Variants in CYB5R4 observed in about 807,000 individuals in gnomAD.
CYB5R4 encodes the protein cytochrome b5 reductase 4.
In CYB5R4, 55 loss-of-function variants were observed where a neutral mutation model predicts 70.2. The ratio of observed to expected loss-of-function variants is 0.78; its 90% CI spans 0.63 to 0.98. CYB5R4 has a LOEUF of 0.98. CYB5R4 is among the 50% of genes least tolerant of loss of function. The probability of loss-of-function intolerance (pLI) is 0.00; values close to 1 mark genes in which losing one functional copy is unlikely to be tolerated. For synonymous variants in CYB5R4, 197 were observed against 199.5 expected (o/e 0.99, Z 0.11); for missense variants, 562 against 612.6 (o/e 0.92, Z 0.87).
intron 6 of CYB5R4, 74 bp from the exon 7 acceptor site, chr6:83,919,323 C>A: frequency 1.2e-6 from 1 of 821,582 alleles, no homozygotes; most frequent in Non-Finnish European, 1.9e-6. Context: ...AAATTTTAAA[C>A]ATTTAATGAT....
intron 3 of CYB5R4, 129 bp from the exon 4 acceptor site, chr6:83,908,880 G>C (rs758676943): frequency 2.6e-5 from 17 of 664,256 alleles, no homozygotes; most frequent in Admixed American, 1.8e-4. Context: ...TAGACTAATT[G>C]AATATGCTTC....
chr6:83,940,168 A>C lies in CYB5R4; in HGVS notation c.1221A>C (p.Lys407Asn). The C allele has an allele frequency of 6.2e-7, 1 of 1,610,674 alleles. No individual in the cohort carries two copies. The highest frequency in any genetic ancestry group is 8.5e-7 in the Non-Finnish European group (1 of 1,178,054). Residue 407 changes from lysine to asparagine, a missense_variant, in exon 13 of 16, where the codon AAA becomes AAC. Coordinates refer to ENST00000369681, the MANE Select transcript of CYB5R4 (RefSeq NM_016230.4). ...AAGTGFTPMV[K>N]ILNYALTDIP... is the part of the protein sequence containing the mutation. ...GAACAGGCTTCACACCAATGGTTAA[A>C]ATACTGAATTATGCTTTGACTGATA...
At chr6:83,877,595 G>A (rs1160479803) in intron 2 of CYB5R4, among the ~76,000 whole-genome samples, 1 of 151,974 alleles carries the variant, frequency 6.6e-6, no homozygotes, top group Non-Finnish European at 1.5e-5. Flanking sequence ...TTTGACAATC[G>A]GCTTTCACAG....
chr6:83,861,851 T>C (rs895733583), intron 1 of CYB5R4, among the ~76,000 whole-genome samples: 1 of 152,222 alleles, frequency 6.6e-6, no homozygotes, highest in Non-Finnish European at 1.5e-5. Context: ...TTAGAAGTAT[T>C]TTGGTCTTTA....
chr6:83,951,428 T>G (rs1348139365), intron 14 of CYB5R4, among the ~76,000 whole-genome samples: 5 of 151,970 alleles, frequency 3.3e-5, no homozygotes, highest in African/African-American at 1.2e-4. Flanking sequence ...AATTCATCCC[T>G]CCCCTGCCCC....
chr6:83,921,187 A>G lies in CYB5R4; in HGVS notation c.658+12A>G. The G allele has an allele frequency of 1.4e-6, 2 of 1,466,984 alleles. No homozygotes were observed. The highest frequency in any genetic ancestry group is 1.8e-6 in the Non-Finnish European group (2 of 1,088,670). The allele number at this position is 1,466,984 out of a possible 1,614,324, so 90.9% of individuals were successfully genotyped here. On this transcript the variant is annotated intron_variant, in intron 8 of 15. Coordinates refer to ENST00000369681, the MANE Select transcript of CYB5R4 (RefSeq NM_016230.4). ...TCTTATACATATTGGTGAGTACTTT[A>G]TTATTATTAATGGAAAGAGCTCTGG... is the stretch of plus-strand genomic sequence containing the variant.
chr6:83,945,554 C>A (rs1290627954), intron 14 of CYB5R4, among the ~76,000 whole-genome samples: 1 of 151,846 alleles, frequency 6.6e-6, no homozygotes, highest in East Asian at 1.9e-4. Context: ...TAGCAGAAGA[C>A]AAGAAATAAC....
intron 15 of CYB5R4, among the ~76,000 whole-genome samples, chr6:83,955,796 A>G (rs2099472338): frequency 1.3e-5 from 2 of 152,158 alleles, no homozygotes; most frequent in Admixed American, 1.3e-4. Context: ...TTCATAATAT[A>G]TAGTAATTAA....
At chr6:83,908,180 A>G (rs939083034) in intron 3 of CYB5R4, among the ~76,000 whole-genome samples, 2 of 152,192 alleles carry the variant, frequency 1.3e-5, no homozygotes, top group Non-Finnish European at 2.9e-5. Flanking sequence ...TCTAACTGCC[A>G]TGAGATGGTA....
chr6:83,944,084 A>AAC (rs1444556799), intron 14 of CYB5R4, among the ~76,000 whole-genome samples: 3 of 152,158 alleles, frequency 2.0e-5, no homozygotes, highest in Non-Finnish European at 2.9e-5. Flanking sequence ...AAATACAGAG[A>AAC]ACACCACAAA....
rs571183176 is a variant in CYB5R4 at position 83,930,242 on chromosome 6, C to T, written c.815-4353C>T. ...AAGCTTGGGGTAGCTGTGGCAATTT[C>T]TTAAGAAAAAATGAAGTTTGCCCAC... On this transcript the variant is annotated intron_variant, in intron 10 of 15. Coordinates refer to ENST00000369681, the MANE Select transcript of CYB5R4 (RefSeq NM_016230.4). Among the ~76,000 whole-genome samples the T allele has an allele frequency of 5.9e-5, 9 of 152,204 alleles. No individual in the cohort carries two copies. In the East Asian group the frequency reaches 1.5e-3, roughly 26 times the overall value.
rs572952837 is a variant in CYB5R4, at chr6:83,963,945, T to A, written c.*4067T>A. On this transcript the variant is annotated 3_prime_UTR_variant, in exon 16 of 16. Coordinates refer to ENST00000369681, the MANE Select transcript of CYB5R4 (RefSeq NM_016230.4). ...AGACCTGGTGGTTTTATCAGGGGTT[T>A]CCGCTTTTGCATCTTACTCATTTTC... 17 of 200,628 alleles carry A rather than the reference T, an allele frequency of 8.5e-5. No homozygotes were observed. In the South Asian group the frequency reaches 1.6e-3, roughly 18 times the overall value. 12.4% of individuals were successfully genotyped at this position (200,628 alleles called of 1,614,324 possible). A position where few individuals can be genotyped will look rare whatever the true frequency, so the allele number is the denominator to read the frequency against.
At chr6:83,862,309 A>ACAAT (rs2099456080) in intron 1 of CYB5R4, among the ~76,000 whole-genome samples, 2 of 152,230 alleles carry the variant, frequency 1.3e-5, no homozygotes, top group Admixed American at 6.5e-5. Flanking sequence ...ATACTTATTG[A>ACAAT]GAACCTACCA....
chr6:83,957,143 G>T (rs996208779), intron 15 of CYB5R4, among the ~76,000 whole-genome samples: 1 of 151,726 alleles, frequency 6.6e-6, no homozygotes, highest in Non-Finnish European at 1.5e-5. Context: ...TCAAGTTTCT[G>T]TGTAAACTTT....
chr6:83,921,032 TG>T (rs1310706287), intron 7 of CYB5R4, 49 bp from the exon 8 acceptor site: 18 of 1,340,776 alleles, frequency 1.3e-5, no homozygotes, highest in Non-Finnish European at 1.5e-5. Flanking sequence ...TGTAGAAGTT[TG>T]GGGGAAAATT....
At chr6:83,864,989 G>A (rs896622886) in intron 2 of CYB5R4, among the ~76,000 whole-genome samples, 3 of 152,160 alleles carry the variant, frequency 2.0e-5, no homozygotes, top group Non-Finnish European at 4.4e-5. Context: ...TATACCATGA[G>A]GCTCCATGCA....
chr6:83,921,900 G>A (rs1266654900), intron 8 of CYB5R4, among the ~76,000 whole-genome samples: 1 of 152,202 alleles, frequency 6.6e-6, no homozygotes, highest in Admixed American at 6.5e-5. Flanking sequence ...TTCCATAGGG[G>A]CAGAAATGTT....
chr6:83,921,748 G>A (rs1425257385), intron 8 of CYB5R4, among the ~76,000 whole-genome samples: 1 of 152,200 alleles, frequency 6.6e-6, no homozygotes, highest in Non-Finnish European at 1.5e-5. Flanking sequence ...TTAAAAATAT[G>A]AAACTCTTGG....
chr6:83,922,377 G>C (rs1450582484), intron 8 of CYB5R4, 61 bp from the exon 9 acceptor site: 10 of 1,362,726 alleles, frequency 7.3e-6, no homozygotes, highest in Non-Finnish European at 9.4e-6. Flanking sequence ...AATGACATAT[G>C]GTGTTCAAAA....
Sources: allele counts gnomAD v4.1 joint callset (sites outside exome capture counted in the v4.1 genomes callset), GRCh38; gene constraint gnomAD v4.1.1; transcripts MANE v1.5; gene names NCBI Gene and HGNC (gene_info 2026-07-23, HGNC 2026-07-21).